Variants in IGF1R observed in about 807,000 individuals in gnomAD.
IGF1R encodes the protein insulin like growth factor 1 receptor, also known as insulin-like growth factor 1 receptor.
IGF1R carries 44 observed loss-of-function variants against 144.6 expected under a neutral mutation model. That is an observed-to-expected ratio of 0.30 (90% CI 0.24 to 0.39). The LOEUF (loss-of-function observed/expected upper bound fraction) is 0.39. Among genes scored for constraint, IGF1R ranks in the 10% least tolerant of loss-of-function variants. The pLI is 1.00. For missense variants in IGF1R, 1,355 were observed against 1,833.7 expected, an observed-to-expected ratio of 0.74 and a Z score of 4.77; for synonymous variants, 795 against 722.8, an observed-to-expected ratio of 1.10 and a Z score of -1.60.
At chr15:98,674,773 T>G (rs1305581304) in intron 1 of IGF1R, among the ~76,000 whole-genome samples, 1 of 152,050 alleles carries the variant, frequency 6.6e-6, no homozygotes, top group Non-Finnish European at 1.5e-5. Context: ...ATTGTTAATA[T>G]TTTGTTGTGT....
chr15:98,939,296 C>T lies in IGF1R; in HGVS notation c.3393C>T (p.Phe1131=), dbSNP rs1022844692. 1.4e-5 allele frequency: 23 copies of T among 1,614,050 alleles called. No homozygotes were observed. The highest frequency in any genetic ancestry group is 3.3e-5 in the South Asian group (3 of 91,072). ...DGMAYLNANK[F]VHRDLAARNC... ...TGGCATACCTCAACGCCAATAAGTTCGTCCACAGAGACCTTGCTGCCCGGA... is the reference window on the plus strand; with the variant it reads ...TGGCATACCTCAACGCCAATAAGTTTGTCCACAGAGACCTTGCTGCCCGGA... The change falls in exon 18 of 21, where the codon TTC becomes TTT. Residue 1131 remains phenylalanine (F), a synonymous_variant. Transcript: ENST00000650285.
rs533326590 is a variant in IGF1R, at chr15:98,868,112, G to A, written c.641-23213G>A. On this transcript the variant is annotated intron_variant, in intron 2 of 20. Transcript: ENST00000650285. ...GCTACTCAGAGAAGTGTTTGAACCC[G>A]GGAGTTGGGGGTTGCAGTGAGTTGA... Among the ~76,000 whole-genome samples, 55 of 152,150 alleles carry A rather than the reference G, an allele frequency of 3.6e-4. 1 individual carries two copies. In the East Asian group the frequency reaches 9.7e-3, roughly 27 times the overall value.
intron 2 of IGF1R, among the ~76,000 whole-genome samples, chr15:98,727,086 G>C (rs1219012410): frequency 6.6e-6 from 1 of 151,942 alleles, no homozygotes; most frequent in Non-Finnish European, 1.5e-5. Flanking sequence ...ACCTTTGTTT[G>C]GTTCATTTTT....
chr15:98,930,864 A>AC (rs2015912617), intron 15 of IGF1R, among the ~76,000 whole-genome samples: 1 of 152,154 alleles, frequency 6.6e-6, no homozygotes, highest in Admixed American at 6.5e-5. Context: ...GGAAGGTCTG[A>AC]CATGGAAGTT....
intron 1 of IGF1R, among the ~76,000 whole-genome samples, chr15:98,703,762 C>T (rs1311765563): frequency 6.6e-6 from 1 of 152,198 alleles, no homozygotes; most frequent in Non-Finnish European, 1.5e-5. Context: ...CAGATTCTTT[C>T]CTCCTGTCTG....
intron 2 of IGF1R, among the ~76,000 whole-genome samples, chr15:98,814,424 C>T (rs935784655): frequency 1.3e-5 from 2 of 152,162 alleles, no homozygotes; most frequent in Non-Finnish European, 2.9e-5. Context: ...CATCATAGCT[C>T]ACTGCAACCT....
chr15:98,827,121 A>T (rs2056908465), intron 2 of IGF1R, among the ~76,000 whole-genome samples: 1 of 128,436 alleles, frequency 7.8e-6, no homozygotes, highest in African/African-American at 2.4e-5. Context: ...AATTGTGTCT[A>T]ATCCTTCCCC....
intron 4 of IGF1R, among the ~76,000 whole-genome samples, chr15:98,898,679 G>A (rs1434429613): frequency 2.0e-5 from 3 of 152,068 alleles, no homozygotes; most frequent in Non-Finnish European, 2.9e-5. Context: ...CATAAATTAC[G>A]CACAGTAAAA....
At chr15:98,747,152 C>T (rs574261438) in intron 2 of IGF1R, among the ~76,000 whole-genome samples, 2 of 152,242 alleles carry the variant, frequency 1.3e-5, no homozygotes, top group South Asian at 2.1e-4. Context: ...TCTATCAGTT[C>T]CCATTCATTT....
chr15:98,828,781 T>G (rs984147399), intron 2 of IGF1R, among the ~76,000 whole-genome samples: 9 of 151,794 alleles, frequency 5.9e-5, no homozygotes, highest in Admixed American at 3.3e-4. Flanking sequence ...ATGGTTTTTT[T>G]TTTTTTTTTT....
chr15:98,673,163 T>C (rs2052942288), intron 1 of IGF1R, among the ~76,000 whole-genome samples: 1 of 152,160 alleles, frequency 6.6e-6, no homozygotes, highest in South Asian at 2.1e-4. Context: ...CCACGTAGCA[T>C]TCTTGGGGAT....
intron 2 of IGF1R, among the ~76,000 whole-genome samples, chr15:98,743,297 A>C (rs145571283): frequency 6.6e-6 from 1 of 152,210 alleles, no homozygotes; most frequent in African/African-American, 2.4e-5. Flanking sequence ...AGTTCTTACA[A>C]TGTACCTTTG....
At chr15:98,945,400 C>T (rs574478660) in intron 19 of IGF1R, among the ~76,000 whole-genome samples, 137 of 152,296 alleles carry the variant, frequency 9.0e-4, no homozygotes, top group African/African-American at 3.1e-3. Context: ...CCAGCCAGCA[C>T]GGGCATTGCA....
chr15:98,713,402 C>CTG (rs1362585412), intron 2 of IGF1R, among the ~76,000 whole-genome samples: 2 of 151,920 alleles, frequency 1.3e-5, no homozygotes, highest in African/African-American at 4.8e-5. Context: ...CAGATGTTTA[C>CTG]TGTGTCATTG....
intron 1 of IGF1R, among the ~76,000 whole-genome samples, chr15:98,671,009 A>G (rs1352270930): frequency 6.6e-6 from 1 of 152,188 alleles, no homozygotes; most frequent in Admixed American, 6.5e-5. Flanking sequence ...GGAAGGATAA[A>G]GGTGCCCTCT....
At chr15:98,828,323 C>G (rs1440723367) in intron 2 of IGF1R, among the ~76,000 whole-genome samples, 4 of 152,024 alleles carry the variant, frequency 2.6e-5, no homozygotes. Context: ...AGCCAAAAAC[C>G]TACAAAAAGC....
rs1177660205 is a variant in IGF1R, at chr15:98,961,121, C to T, written c.*3679C>T. Reference sequence around the variant, plus strand: ...CTGCTGGAACGCGACCCATCTCTCCCAGGACCCCGGGGATCTTAAGGTCAT... The same window carrying T: ...CTGCTGGAACGCGACCCATCTCTCCTAGGACCCCGGGGATCTTAAGGTCAT... On this transcript the variant is annotated 3_prime_UTR_variant, in exon 21 of 21. Coordinates refer to ENST00000650285, the MANE Select transcript of IGF1R (RefSeq NM_000875.5). 1 of 233,460 alleles carries T rather than the reference C, an allele frequency of 4.3e-6. No individual in the cohort carries two copies. Among genetic ancestry groups the T allele is most frequent in the African/African-American group, 2.2e-5 (1 of 45,330 alleles). The allele number at this position is 233,460 out of a possible 1,614,324, so 14.5% of individuals were successfully genotyped here. A position where few individuals can be genotyped will look rare whatever the true frequency, so the allele number is the denominator to read the frequency against.
Position 98,869,893 on chromosome 15 carries a change from T to C in IGF1R, c.641-21432T>C, listed in dbSNP as rs76667548. Among the ~76,000 whole-genome samples the C allele has an allele frequency of 3.4e-3, 522 of 152,314 alleles. 1 individual carries two copies. The highest frequency in any genetic ancestry group is 0.012 in the African/African-American group (499 of 41,560). On this transcript the variant is annotated intron_variant, in intron 2 of 20. Transcript: ENST00000650285. ...ATTAACACCTGTCTCTATCTGTGTG[T>C]AAGGCTCTCTGGGAGGAGCTGTGAG...
chr15:98,919,200 C>T (rs1369069881), intron 10 of IGF1R, among the ~76,000 whole-genome samples: 4 of 152,234 alleles, frequency 2.6e-5, no homozygotes, highest in African/African-American at 9.6e-5. Context: ...CACACACCGA[C>T]TCTTTTCCCC....
Sources: allele counts gnomAD v4.1 joint callset (sites outside exome capture counted in the v4.1 genomes callset), GRCh38; gene constraint gnomAD v4.1.1; transcripts MANE v1.5; gene names NCBI Gene and HGNC (gene_info 2026-07-23, HGNC 2026-07-21).